Variants in ZFHX3 observed in about 807,000 individuals in gnomAD.
ZFHX3 encodes zinc finger homeobox protein 3.
Under a neutral mutation model 279.1 loss-of-function variants are expected in ZFHX3, and 42 were observed. That is an observed-to-expected ratio of 0.15 (90% CI 0.12 to 0.19). The LOEUF is 0.19. Ranked by LOEUF, ZFHX3 falls within the 10% of genes least tolerant of loss-of-function variation. The probability of loss-of-function intolerance (pLI) is 1.00; values close to 1 mark genes in which losing one functional copy is unlikely to be tolerated. For synonymous variants in ZFHX3, 2,293 were observed against 1,957.8 expected (o/e 1.17, Z -4.52); for missense variants, 4,981 against 4,754.0 (o/e 1.05, Z -1.40).
rs1356851583 is a variant in ZFHX3 at position 72,957,660 on chromosome 16, A to G, written c.2486T>C (p.Met829Thr). The change falls in exon 2 of 10, where the codon ATG (methionine) becomes ACG (threonine). Residue 829 changes from methionine (M) to threonine (T), a missense_variant. Coordinates refer to ENST00000268489, the MANE Select transcript of ZFHX3 (RefSeq NM_006885.4). ...CTGTTGCAGTAACATCATGTTATGC[A>G]TGTGCTTCTCACTGGTCATGTGAAT... The part of the protein sequence containing the change: ...LRIHMTSEKH[M>T]HNMMLLQQNM... 5 of 1,614,172 alleles carry G rather than the reference A, an allele frequency of 3.1e-6. No homozygotes were observed. In the Admixed American group the frequency reaches 6.7e-5, roughly 22 times the overall value.
chr16:73,541,136 A>G (rs2020003177), intron 2 of ZFHX3, among the ~76,000 whole-genome samples: 1 of 151,896 alleles, frequency 6.6e-6, no homozygotes, highest in Non-Finnish European at 1.5e-5. Flanking sequence ...CTTTATGAAT[A>G]TTTATTTTGG....
intron 3 of ZFHX3, among the ~76,000 whole-genome samples, chr16:73,347,963 T>C (rs555860652): frequency 6.6e-6 from 1 of 152,226 alleles, no homozygotes; most frequent in Non-Finnish European, 1.5e-5. Context: ...AAGTATTTTC[T>C]TAAAAAGCTG....
At chr16:73,087,887 A>G (rs376881935) in intron 8 of ZFHX3, among the ~76,000 whole-genome samples, 1 of 149,914 alleles carries the variant, frequency 6.7e-6, no homozygotes, top group Non-Finnish European at 1.5e-5. Flanking sequence ...GAGTGCAGTG[A>G]TATGGTCTTG....
At chr16:72,812,931 A>T (rs1442047454) in intron 5 of ZFHX3, among the ~76,000 whole-genome samples, 2 of 152,218 alleles carry the variant, frequency 1.3e-5, no homozygotes, top group Non-Finnish European at 2.9e-5. Context: ...ATCAGTAGGC[A>T]TTAGGTTAGG....
intron 3 of ZFHX3, among the ~76,000 whole-genome samples, chr16:73,384,071 T>C (rs2016858831): frequency 6.6e-6 from 1 of 152,248 alleles, no homozygotes; most frequent in Non-Finnish European, 1.5e-5. Flanking sequence ...TCTGGATATG[T>C]AGACCCCCAA....
chr16:73,025,717 G>A (rs760246640), intron 1 of ZFHX3, among the ~76,000 whole-genome samples: 13 of 152,164 alleles, frequency 8.5e-5, no homozygotes, highest in Middle Eastern at 3.4e-3. Flanking sequence ...GGGCCCAACC[G>A]AAAAAGATAA....
intron 4 of ZFHX3, among the ~76,000 whole-genome samples, chr16:72,870,851 T>C (rs1037879988): frequency 2.0e-5 from 3 of 152,218 alleles, no homozygotes; most frequent in African/African-American, 7.2e-5. Flanking sequence ...AATAGTTTTA[T>C]AGCAATGTTA....
chr16:73,079,251 A>T (rs1188532490), intron 8 of ZFHX3, among the ~76,000 whole-genome samples: 1 of 151,944 alleles, frequency 6.6e-6, no homozygotes, highest in East Asian at 2.0e-4. Flanking sequence ...AAGGCCGGGC[A>T]TAGTGGCTCA....
chr16:72,872,280 A>G (rs1334171116), intron 4 of ZFHX3, among the ~76,000 whole-genome samples: 3 of 152,148 alleles, frequency 2.0e-5, no homozygotes, highest in Non-Finnish European at 4.4e-5. Flanking sequence ...AAAATGTTCA[A>G]TGAAAACAGA....
chr16:73,456,454 A>C (rs1240977018), intron 2 of ZFHX3, among the ~76,000 whole-genome samples: 1 of 152,162 alleles, frequency 6.6e-6, no homozygotes. Context: ...GAAGTATCAC[A>C]GCAGCTATAT....
chr16:73,724,108 G>A (rs976277540), intron 1 of ZFHX3, among the ~76,000 whole-genome samples: 2 of 152,140 alleles, frequency 1.3e-5, no homozygotes, highest in African/African-American at 2.4e-5. Flanking sequence ...GTCTGGGGAG[G>A]GGTGAATAAG....
At chr16:72,928,344 G>A (rs1317073943) in intron 3 of ZFHX3, among the ~76,000 whole-genome samples, 1 of 148,052 alleles carries the variant, frequency 6.8e-6, no homozygotes, top group Non-Finnish European at 1.5e-5. Flanking sequence ...GTCCCAAAGA[G>A]GGAAAGTTGC....
intron 1 of ZFHX3, among the ~76,000 whole-genome samples, chr16:73,760,777 T>C (rs952591229): frequency 3.9e-5 from 6 of 152,124 alleles, no homozygotes; most frequent in Non-Finnish European, 7.4e-5. Context: ...TCAACATCCC[T>C]TCATGTTAAA....
rs1019932691 is a variant in ZFHX3 at position 72,785,370 on chromosome 16, G to A, written c.*1794C>T. 1 of 152,582 alleles carries A rather than the reference G, an allele frequency of 6.6e-6. No individual in the cohort carries two copies. Among genetic ancestry groups the A allele is most frequent in the Admixed American group, 6.5e-5 (1 of 15,272 alleles). 9.5% of individuals were successfully genotyped at this position (152,582 alleles called of 1,614,324 possible). On this transcript the variant is annotated 3_prime_UTR_variant, in exon 10 of 10. Transcript: ENST00000268489. ...TTGTTGGCTGCGCTCTGGATCACTC[G>A]CTGCTCAGACTGCCTAACACAAGGA...
intron 2 of ZFHX3, among the ~76,000 whole-genome samples, chr16:73,652,834 ATAAT>A (rs2052684237): frequency 6.6e-6 from 1 of 152,176 alleles, no homozygotes; most frequent in Non-Finnish European, 1.5e-5. Flanking sequence ...ATGATGAAAA[ATAAT>A]TAGAGAATAC....
chr16:73,550,500 AG>A, intron 2 of ZFHX3, among the ~76,000 whole-genome samples: 1 of 152,198 alleles, frequency 6.6e-6, no homozygotes, highest in African/African-American at 2.4e-5. Context: ...TACACCACAC[AG>A]GATAAAACAG....
intron 2 of ZFHX3, among the ~76,000 whole-genome samples, chr16:73,571,395 G>A (rs2051732950): frequency 6.6e-6 from 1 of 152,116 alleles, no homozygotes; most frequent in Non-Finnish European, 1.5e-5. Flanking sequence ...TCCAGAGTAT[G>A]GAGATATATG....
intron 1 of ZFHX3, among the ~76,000 whole-genome samples, chr16:73,732,369 G>A (rs2053576342): frequency 6.6e-6 from 1 of 152,196 alleles, no homozygotes; most frequent in Non-Finnish European, 1.5e-5. Flanking sequence ...CAGCAAATCT[G>A]CTTTGGGTTC....
chr16:72,809,751 A>G (rs2036383156), intron 7 of ZFHX3: 1 of 152,226 alleles, frequency 6.6e-6, no homozygotes, highest in South Asian at 2.1e-4. Flanking sequence ...TTGTGAACAG[A>G]CTACCTCTCT....
Sources: gnomAD v4.1 joint callset for allele counts (sites outside exome capture counted in the v4.1 genomes callset) on GRCh38, gnomAD v4.1.1 for gene constraint, MANE v1.5 for transcripts, NCBI Gene and HGNC (gene_info 2026-07-23, HGNC 2026-07-21) for gene names.